The following KLF8 variants were observed in gnomAD, a reference collection of about 807,000 sequenced individuals.
KLF8 encodes Krueppel-like factor 8.
In KLF8, 10 loss-of-function variants were observed where a neutral mutation model predicts 18.2. The observed-to-expected ratio is 0.55, with a 90% confidence interval of 0.34 to 0.93. The LOEUF (loss-of-function observed/expected upper bound fraction) is 0.93, where lower values mean the gene tolerates loss of function less well. Among genes scored for constraint, KLF8 ranks in the 40% least tolerant of loss-of-function variants. The pLI is 0.02. For synonymous variants in KLF8, 109 were observed against 97.3 expected, an observed-to-expected ratio of 1.12 and a Z score of -0.71; for missense variants, 264 against 277.9, an observed-to-expected ratio of 0.95 and a Z score of 0.36.
At chrX:55,988,024 C>G in the KLF8 span, among the ~76,000 whole-genome samples, 2 of 112,149 alleles carry the variant, frequency 1.8e-5, no homozygotes. Flanking sequence ...TGTTCATATC[C>G]TTTGCCCACT....
chrX:56,126,896 G>A, the KLF8 span, among the ~76,000 whole-genome samples: 2 of 108,720 alleles, frequency 1.8e-5, no homozygotes, highest in African/African-American at 6.7e-5. Flanking sequence ...GGGATTACAG[G>A]CGCCTACCAC....
the KLF8 span, among the ~76,000 whole-genome samples, chrX:56,102,435 C>T: frequency 9.0e-6 from 1 of 111,512 alleles, no homozygotes; most frequent in East Asian, 2.8e-4. Context: ...GCTATTGAGG[C>T]TCTATTTTGG....
chrX:56,252,746 G>T (rs1397412378), intron 2 of KLF8, among the ~76,000 whole-genome samples: 2 of 112,108 alleles, frequency 1.8e-5, no homozygotes, highest in Non-Finnish European at 3.8e-5. Flanking sequence ...CCAGCAGTGG[G>T]ATTGCTGGAT....
chrX:55,961,575 C>T, the KLF8 span: 20 of 515,205 alleles, frequency 3.9e-5, no homozygotes, highest in African/African-American at 4.4e-4. Context: ...TGAAAAATGT[C>T]CAGTTATTCA....
At chrX:56,041,573 T>C in the KLF8 span, among the ~76,000 whole-genome samples, 1 of 111,230 alleles carries the variant, frequency 9.0e-6, no homozygotes, top group Non-Finnish European at 1.9e-5. Context: ...TCTTGGTTAT[T>C]TCTTGTCTTC....
chrX:55,925,171 ATTTTT>A, the KLF8 span, among the ~76,000 whole-genome samples: 2 of 70,031 alleles, frequency 2.9e-5, no homozygotes, highest in African/African-American at 5.9e-5. Flanking sequence ...TGGTGGTTTC[ATTTTT>A]TTTTTTTTTT....
chrX:56,125,505 C>G, the KLF8 span, among the ~76,000 whole-genome samples: 1 of 112,243 alleles, frequency 8.9e-6, no homozygotes, highest in Non-Finnish European at 1.9e-5. Flanking sequence ...GGTTATGAGG[C>G]CTTCAAGTCA....
the KLF8 span, among the ~76,000 whole-genome samples, chrX:56,046,481 A>G: frequency 9.1e-6 from 1 of 110,381 alleles, no homozygotes; most frequent in Non-Finnish European, 1.9e-5. Context: ...TGCATTTTTC[A>G]GTGTGTTTTT....
chrX:56,243,015 A>G (rs2066568271), intron 1 of KLF8: 6 of 498,948 alleles, frequency 1.2e-5, no homozygotes, highest in Non-Finnish European at 2.2e-5. Context: ...TCTTCTCTCC[A>G]TCAGGTCAAA....
the KLF8 span, among the ~76,000 whole-genome samples, chrX:55,986,635 T>C: frequency 2.1e-3 from 233 of 112,442 alleles, 1 homozygote; most frequent in African/African-American, 7.3e-3. Context: ...TGACCTCATG[T>C]ATCTTCTTTT....
chrX:56,040,574 C>T, the KLF8 span, among the ~76,000 whole-genome samples: 1 of 110,751 alleles, frequency 9.0e-6, no homozygotes, highest in East Asian at 2.8e-4. Flanking sequence ...TAGCATGAAG[C>T]CTACTTGATT....
At chrX:56,082,692 T>A in the KLF8 span, among the ~76,000 whole-genome samples, 1 of 111,747 alleles carries the variant, frequency 8.9e-6, no homozygotes, top group African/African-American at 3.2e-5. Context: ...CATGGTTTCT[T>A]CTCCTTTTAA....
At chrX:56,049,325 A>G in the KLF8 span, among the ~76,000 whole-genome samples, 11 of 111,442 alleles carry the variant, frequency 9.9e-5, no homozygotes, top group East Asian at 8.5e-4. Context: ...TGGTGAGAGA[A>G]GGCATCCCTG....
chrX:56,046,359 A>G, the KLF8 span, among the ~76,000 whole-genome samples: 1 of 111,339 alleles, frequency 9.0e-6, no homozygotes, highest in African/African-American at 3.3e-5. Flanking sequence ...GGGTGATACT[A>G]CCTACTCTGT....
intron 1 of KLF8, among the ~76,000 whole-genome samples, chrX:56,236,182 C>T (rs1489635452): frequency 5.4e-5 from 6 of 111,759 alleles, no homozygotes; most frequent in African/African-American, 2.0e-4. Context: ...TAATATACAG[C>T]CCATCATCAC....
the KLF8 span, among the ~76,000 whole-genome samples, chrX:56,058,279 C>CATACATATATAT: frequency 1.4e-4 from 1 of 7,302 alleles, no homozygotes; most frequent in South Asian, 5.0e-3. Flanking sequence ...CATATATATA[C>CATACATATATAT]ATATATATAT....
chrX:56,112,592 G>A, the KLF8 span, among the ~76,000 whole-genome samples: 1 of 111,323 alleles, frequency 9.0e-6, no homozygotes, highest in Non-Finnish European at 1.9e-5. Context: ...TAATGCACAT[G>A]TTGGTATGCT....
At chrX:55,992,288 A>T in the KLF8 span, among the ~76,000 whole-genome samples, 1 of 112,345 alleles carries the variant, frequency 8.9e-6, no homozygotes, top group Non-Finnish European at 1.9e-5. Flanking sequence ...TGGGGAAAAG[A>T]TAGGGTTCAC....
the KLF8 span, among the ~76,000 whole-genome samples, chrX:56,171,372 G>C: frequency 8.9e-6 from 1 of 111,872 alleles, no homozygotes; most frequent in Non-Finnish European, 1.9e-5. Context: ...ATAGGTTATA[G>C]TATAGTATTC....
Sources: gnomAD v4.1 joint callset for allele counts (sites outside exome capture counted in the v4.1 genomes callset) on GRCh38, gnomAD v4.1.1 for gene constraint, MANE v1.5 for transcripts, NCBI Gene and HGNC (gene_info 2026-07-23, HGNC 2026-07-21) for gene names.